DPP10: variants seen among roughly 807,000 people sequenced by gnomAD.
DPP10 encodes the protein inactive dipeptidyl peptidase 10.
A neutral mutation model predicts 120.9 loss-of-function variants in DPP10; 33 were observed. The ratio of observed to expected loss-of-function variants is 0.27; its 90% CI spans 0.21 to 0.37. DPP10 has a LOEUF of 0.37. Ranked by LOEUF, DPP10 falls within the 10% of genes least tolerant of loss-of-function variation. The probability of loss-of-function intolerance (pLI) is 1.00; values close to 1 mark genes in which losing one functional copy is unlikely to be tolerated. For synonymous variants in DPP10, 337 were observed against 326.1 expected (o/e 1.03, Z -0.36); for missense variants, 816 against 942.8 (o/e 0.87, Z 1.76).
chr2:115,153,729 T>A lies in DPP10; in HGVS notation c.61-155510T>A, dbSNP rs1318344035. 3.3e-5 allele frequency among the ~76,000 whole-genome samples: 5 copies of A among 152,320 alleles called. No individual in the cohort carries two copies. The East Asian group carries it at 9.6e-4, about 29-fold the overall frequency. ...AAGTCCTCATTTTGAGCATAAACTTTATTTTTCCCTAAAATACTTATATTT... is the reference window on the plus strand; with the variant it reads ...AAGTCCTCATTTTGAGCATAAACTTAATTTTTCCCTAAAATACTTATATTT... On this transcript the variant is annotated intron_variant, in intron 1 of 25. Transcript: ENST00000410059.
At chr2:115,249,037 G>A (rs974881285) in intron 1 of DPP10, among the ~76,000 whole-genome samples, 1 of 152,056 alleles carries the variant, frequency 6.6e-6, no homozygotes, top group African/African-American at 2.4e-5. Flanking sequence ...TGAGAATTGA[G>A]CAATGATTTT....
chr2:115,155,457 C>T (rs942542509), intron 1 of DPP10, among the ~76,000 whole-genome samples: 4 of 152,072 alleles, frequency 2.6e-5, no homozygotes, highest in African/African-American at 9.7e-5. Context: ...CTTTTGATGT[C>T]CTATTAACTA....
At chr2:114,558,896 C>G (rs1463985632) in intron 1 of DPP10, among the ~76,000 whole-genome samples, 1 of 152,164 alleles carries the variant, frequency 6.6e-6, no homozygotes, top group Non-Finnish European at 1.5e-5. Context: ...ATGAGTGATT[C>G]CAATTAATTT....
At chr2:115,618,504 C>T (rs1419944342) in intron 5 of DPP10, among the ~76,000 whole-genome samples, 1 of 152,050 alleles carries the variant, frequency 6.6e-6, no homozygotes, top group African/African-American at 2.4e-5. Flanking sequence ...TTGGCACTTC[C>T]CATGGTTTCA....
intron 1 of DPP10, among the ~76,000 whole-genome samples, chr2:114,722,828 T>C (rs1328735680): frequency 6.7e-6 from 1 of 149,132 alleles, no homozygotes; most frequent in South Asian, 2.1e-4. Flanking sequence ...TATTCCCACC[T>C]GTAAAGCCTT....
At chr2:115,587,089 C>CTTTTTTTTTTTTTTTTTTTTTT (rs756810925) in intron 5 of DPP10, among the ~76,000 whole-genome samples, 29 of 103,912 alleles carry the variant, frequency 2.8e-4, no homozygotes, top group African/African-American at 6.1e-4. Flanking sequence ...TTTTCTCTTT[C>CTTTTTTTTTTTTTTTTTTTTTT]TTTTTTTTTT....
rs117054955 is a variant in DPP10, at chr2:114,619,537, C to T, written c.60+176699C>T. On this transcript the variant is annotated intron_variant, in intron 1 of 25. Coordinates refer to ENST00000410059, the MANE Select transcript of DPP10 (RefSeq NM_020868.6). ...ATCAAAAATAAGAATTCTATCTTGT[C>T]TCTCTTCCCACTCCAAACCACAACT... Among the ~76,000 whole-genome samples, 153 of 151,972 alleles carry T rather than the reference C, an allele frequency of 1.0e-3. 2 individuals carry two copies. In the East Asian group the frequency reaches 0.019, roughly 19 times the overall value.
At chr2:115,171,206 C>G (rs1449196607) in intron 1 of DPP10, among the ~76,000 whole-genome samples, 1 of 151,664 alleles carries the variant, frequency 6.6e-6, no homozygotes, top group Non-Finnish European at 1.5e-5. Context: ...ACTAAAAATA[C>G]AAAAATTAGC....
At chr2:115,495,813 A>T (rs981382123) in intron 3 of DPP10, among the ~76,000 whole-genome samples, 6 of 152,166 alleles carry the variant, frequency 3.9e-5, no homozygotes, top group Admixed American at 2.6e-4. Context: ...ACTGAGTCGA[A>T]TGTGTGTTCA....
chr2:114,550,553 A>G (rs1382131853), intron 1 of DPP10, among the ~76,000 whole-genome samples: 1 of 152,196 alleles, frequency 6.6e-6, no homozygotes, highest in Non-Finnish European at 1.5e-5. Flanking sequence ...AGTGCTCTGT[A>G]TGAATCAGAC....
intron 4 of DPP10, among the ~76,000 whole-genome samples, chr2:115,515,573 T>A (rs4849401): frequency 0.2 from 30,341 of 151,906 alleles, 3,728 homozygotes; most frequent in East Asian, 0.39. Flanking sequence ...AGGAACATTT[T>A]AAAAAAATAT....
chr2:115,042,008 C>CTTTTTTTTT (rs5833573), intron 1 of DPP10, among the ~76,000 whole-genome samples: 64 of 80,276 alleles, frequency 8.0e-4, no homozygotes, highest in East Asian at 2.1e-3. Flanking sequence ...TCTATCTTAT[C>CTTTTTTTTT]TTTTTTTTTT....
At chr2:114,496,189 G>T (rs1682503145) in intron 1 of DPP10, among the ~76,000 whole-genome samples, 1 of 152,104 alleles carries the variant, frequency 6.6e-6, no homozygotes, top group African/African-American at 2.4e-5. Context: ...GAAGATGTTT[G>T]GGGTTCTTAG....
At chr2:115,589,879 C>T (rs1200447250) in intron 5 of DPP10, among the ~76,000 whole-genome samples, 1 of 152,218 alleles carries the variant, frequency 6.6e-6, no homozygotes. Flanking sequence ...ATCTAACAGA[C>T]AGTCATGCAT....
At chr2:114,969,725 C>T (rs1234827737) in intron 1 of DPP10, among the ~76,000 whole-genome samples, 1 of 152,034 alleles carries the variant, frequency 6.6e-6, no homozygotes, top group Non-Finnish European at 1.5e-5. Context: ...AGGCAAGAAC[C>T]AACCAACCAA....
intron 1 of DPP10, among the ~76,000 whole-genome samples, chr2:114,642,696 C>A (rs1386484166): frequency 6.6e-6 from 1 of 151,544 alleles, no homozygotes; most frequent in African/African-American, 2.4e-5. Flanking sequence ...CTTCACCTTT[C>A]AGGAATTCTA....
chr2:115,551,354 A>G (rs1475180539), intron 5 of DPP10, among the ~76,000 whole-genome samples: 1 of 152,126 alleles, frequency 6.6e-6, no homozygotes, highest in Admixed American at 6.6e-5. Context: ...TGATATGGGT[A>G]GCAAGAACTT....
chr2:115,646,971 A>C (rs1441737005), intron 5 of DPP10, among the ~76,000 whole-genome samples: 1 of 152,182 alleles, frequency 6.6e-6, no homozygotes, highest in Non-Finnish European at 1.5e-5. Context: ...ACTGTAGGCT[A>C]TAAATAGGAA....
intron 1 of DPP10, among the ~76,000 whole-genome samples, chr2:114,822,874 T>C (rs1437186241): frequency 1.3e-5 from 2 of 152,210 alleles, no homozygotes; most frequent in African/African-American, 4.8e-5. Context: ...CATCTCCATC[T>C]GAGACCACCT....
Sources: gnomAD v4.1 joint callset for allele counts (sites outside exome capture counted in the v4.1 genomes callset) on GRCh38, gnomAD v4.1.1 for gene constraint, MANE v1.5 for transcripts, NCBI Gene and HGNC (gene_info 2026-07-23, HGNC 2026-07-21) for gene names.